Variants in CRB2 observed in about 807,000 individuals in gnomAD.
The protein encoded by CRB2 is crumbs cell polarity complex component 2.
A neutral mutation model predicts 110.9 loss-of-function variants in CRB2; 85 were observed. The ratio of observed to expected loss-of-function variants is 0.77; its 90% CI spans 0.64 to 0.92. The LOEUF (loss-of-function observed/expected upper bound fraction) is 0.92. CRB2 is among the 40% of genes least tolerant of loss of function. CRB2 has a pLI of 0.00. For missense variants in CRB2, 1,843 were observed against 1,851.3 expected (o/e 1.00, Z 0.08); for synonymous variants, 907 against 831.0 (o/e 1.09, Z -1.57).
At chr9:123,372,117 GTT>G in intron 8 of CRB2, 58 bp from the exon 9 acceptor site, 1 of 1,554,542 alleles carries the variant, frequency 6.4e-7, no homozygotes, top group Non-Finnish European at 8.9e-7. Flanking sequence ...TGCAATGCCA[GTT>G]ATGGTGGGTG....
At position 123,366,386 on chromosome 9, in the gene CRB2, C is replaced by A; in HGVS notation, c.754+20C>A. 1 of 1,530,562 alleles carries A rather than the reference C, an allele frequency of 6.5e-7. No individual in the cohort carries two copies. The highest frequency in any genetic ancestry group is 8.7e-7 in the Non-Finnish European group (1 of 1,152,870). 94.8% of individuals were successfully genotyped at this position (1,530,562 alleles called of 1,614,324 possible). A position where few individuals can be genotyped will look rare whatever the true frequency, so the allele number is the denominator to read the frequency against. ...GGCCAGGTGTGTGCGTGCAGGTGCGCGGCCTGGCGGGGGGAGGGGTAGGTG... is the reference window on the plus strand; with the variant it reads ...GGCCAGGTGTGTGCGTGCAGGTGCGAGGCCTGGCGGGGGGAGGGGTAGGTG... On this transcript the variant is annotated intron_variant, in intron 4 of 12. Coordinates refer to ENST00000373631, the MANE Select transcript of CRB2 (RefSeq NM_173689.7).
intron 4 of CRB2, 84 bp from the exon 5 acceptor site, chr9:123,367,088 C>T (rs1216190900): frequency 1.3e-5 from 18 of 1,401,648 alleles, no homozygotes; most frequent in African/African-American, 1.2e-4. Flanking sequence ...CGGTCCCTTG[C>T]TGGCCCTCGC....
At chr9:123,362,617 G>C (rs542221261) in intron 1 of CRB2, among the ~76,000 whole-genome samples, 1 of 152,248 alleles carries the variant, frequency 6.6e-6, no homozygotes, top group Admixed American at 6.5e-5. Flanking sequence ...CACTAATCCT[G>C]CCCAGAAGCC....
intron 11 of CRB2, 68 bp downstream of exon 11, chr9:123,374,763 G>A: frequency 8.5e-7 from 1 of 1,170,512 alleles, no homozygotes; most frequent in Non-Finnish European, 1.2e-6. Context: ...TCCAGCCAGG[G>A]TGGGGCGGGG....
chr9:123,358,257 C>G (rs1461981786), intron 1 of CRB2, among the ~76,000 whole-genome samples: 3 of 152,240 alleles, frequency 2.0e-5, no homozygotes, highest in Non-Finnish European at 4.4e-5. Flanking sequence ...AGCTGGGCCT[C>G]TCCATCCTGG....
downstream of CRB2, chr9:123,380,201 C>T (rs1048371787): frequency 6.6e-6 from 1 of 152,496 alleles, no homozygotes; most frequent in East Asian, 1.9e-4. Context: ...CTGCGTGTCT[C>T]AGATGGTTGT....
intron 1 of CRB2, among the ~76,000 whole-genome samples, chr9:123,359,446 T>G (rs1449991785): frequency 1.3e-4 from 16 of 122,454 alleles, no homozygotes; most frequent in Non-Finnish European, 2.0e-4. Flanking sequence ...GTTTTGTTTT[T>G]TTTTTTTTTT....
rs373916052 is a variant in CRB2 at position 123,367,156 on chromosome 9, G to A, written c.755-16G>A. On this transcript the variant is annotated splice_polypyrimidine_tract_variant and intron_variant, in intron 4 of 12. Coordinates refer to ENST00000373631, the MANE Select transcript of CRB2 (RefSeq NM_173689.7). Reference sequence around the variant, plus strand: ...CAACCCCGTGAGACCTGATGTCCGCGTGTGTGTGCCCCCAGGCTACAGCGG... The same window carrying A: ...CAACCCCGTGAGACCTGATGTCCGCATGTGTGTGCCCCCAGGCTACAGCGG... 512 of 1,568,262 alleles carry A rather than the reference G, an allele frequency of 3.3e-4. No individual in the cohort carries two copies. Among genetic ancestry groups the A allele is most frequent in the Non-Finnish European group, 4.2e-4 (484 of 1,164,198 alleles).
intron 1 of CRB2, among the ~76,000 whole-genome samples, chr9:123,357,521 C>A (rs1178627804): frequency 6.6e-6 from 1 of 152,132 alleles, no homozygotes; most frequent in Non-Finnish European, 1.5e-5. Context: ...AGGATGAGGA[C>A]CCCATTTTGC....
rs79733777 is a variant in CRB2, at chr9:123,360,946, C to T, written c.95-1919C>T. 2.6e-5 allele frequency among the ~76,000 whole-genome samples: 4 copies of T among 152,290 alleles called. No individual in the cohort carries two copies. In the East Asian group the frequency reaches 7.7e-4, roughly 29 times the overall value. ...CTGGCTCTGACTGGAGAAATTCCTTCCTCCCATGGGGTTGGACTCTGTCTC... is the reference window on the plus strand; with the variant it reads ...CTGGCTCTGACTGGAGAAATTCCTTTCTCCCATGGGGTTGGACTCTGTCTC... On this transcript the variant is annotated intron_variant, in intron 1 of 12. Coordinates refer to ENST00000373631, the MANE Select transcript of CRB2 (RefSeq NM_173689.7).
At position 123,374,551 on chromosome 9, in the gene CRB2, C is replaced by A. The variant is rs746014504; in HGVS notation, c.3390-28C>A. ...GAGGGCAGGTCCCAGGTGTCCTGCA[C>A]CCACTCCAGCCTCTGCTCTCTCCCC... On this transcript the variant is annotated intron_variant, in intron 10 of 12. Coordinates refer to ENST00000373631, the MANE Select transcript of CRB2 (RefSeq NM_173689.7). 90 of 1,558,024 alleles carry A rather than the reference C, an allele frequency of 5.8e-5. 3 individuals carry two copies. In the South Asian group the frequency reaches 9.4e-4, roughly 16 times the overall value.
At chr9:123,360,798 A>G (rs2041858277) in intron 1 of CRB2, among the ~76,000 whole-genome samples, 2 of 152,116 alleles carry the variant, frequency 1.3e-5, no homozygotes, top group South Asian at 4.1e-4. Context: ...TCATAATCCT[A>G]TCCACCTCGG....
At chr9:123,361,132 C>CGGGGGGGG (rs201939429) in intron 1 of CRB2, among the ~76,000 whole-genome samples, 2 of 66,010 alleles carry the variant, frequency 3.0e-5, no homozygotes, top group African/African-American at 8.8e-5. Flanking sequence ...ATTGGATGGG[C>CGGGGGGGG]GGGGAGGGGG....
chr9:123,371,209 C>T lies in CRB2; in HGVS notation c.2067C>T (p.Ala689=). Residue 689 remains alanine (A), a synonymous_variant, in exon 8 of 13, where the codon GCC becomes GCT. Transcript: ENST00000373631. ...CCGCTGGCCTGTTGCTCCAGTTTGC[C>T]AATGACTCCGCAGCTGGCCTAACAG... The part of the protein sequence containing the change: ...RESAGLLLQF[A]NDSAAGLTVF... The T allele has an allele frequency of 6.2e-7, 1 of 1,613,946 alleles. No homozygotes were observed. The highest frequency in any genetic ancestry group is 1.1e-5 in the South Asian group (1 of 91,076).
At chr9:123,371,681 C>T in intron 8 of CRB2, 103 bp downstream of exon 8, 1 of 1,518,376 alleles carries the variant, frequency 6.6e-7, no homozygotes, top group Admixed American at 1.8e-5. Context: ...GATGAGGAAA[C>T]TGAGGCTCAG....
intron 1 of CRB2, among the ~76,000 whole-genome samples, chr9:123,362,504 C>A (rs1260077254): frequency 1.3e-5 from 2 of 152,200 alleles, no homozygotes; most frequent in African/African-American, 4.8e-5. Flanking sequence ...CCTGGGCCTC[C>A]TTTTGCTGTC....
chr9:123,354,106 C>T (rs1010902654), upstream of CRB2, among the ~76,000 whole-genome samples: 8 of 152,226 alleles, frequency 5.3e-5, no homozygotes, highest in African/African-American at 1.9e-4. Context: ...CTTGTCTGAC[C>T]TCCGTCCTGC....
chr9:123,373,446 G>C lies in CRB2; in HGVS notation c.2915G>C (p.Arg972Pro), dbSNP rs749257715. 2 of 1,451,290 alleles carry C rather than the reference G, an allele frequency of 1.4e-6. No individual in the cohort carries two copies. Among genetic ancestry groups the C allele is most frequent in the Non-Finnish European group, 9.0e-7 (1 of 1,108,612 alleles). The allele number at this position is 1,451,290 out of a possible 1,614,324, so 89.9% of individuals were successfully genotyped here. ...AMERPAATTS[R>P]WLLWLDGAAT... Reference sequence around the variant, plus strand: ...GAGCGCCCGGCGGCCACCACCTCGCGCTGGCTGCTGTGGCTGGATGGTGCC... The same window carrying C: ...GAGCGCCCGGCGGCCACCACCTCGCCCTGGCTGCTGTGGCTGGATGGTGCC... Residue 972 changes from arginine to proline, a missense_variant, in exon 10 of 13, where the codon CGC becomes CCC. Physicochemically the swap from Arg to Pro is moderately radical, Grantham distance 103. Coordinates refer to ENST00000373631, the MANE Select transcript of CRB2 (RefSeq NM_173689.7).
Position 123,375,322 on chromosome 9 carries a change from C to A in CRB2, c.3612C>A (p.Ser1204=). The change falls in exon 12 of 13, where the codon TCC becomes TCA. Residue 1204 remains serine (S), a synonymous_variant. Coordinates refer to ENST00000373631, the MANE Select transcript of CRB2 (RefSeq NM_173689.7). ...AATGTATCTGCAATGCCAGATTCTC[C>A]GGCCAGTTCTGTGAAGTGGCGGTGA... ...VSECICNARF[S]GQFCEVAKGL... The A allele has an allele frequency of 6.2e-7, 1 of 1,603,148 alleles. No homozygotes were observed. The highest frequency in any genetic ancestry group is 1.7e-5 in the Admixed American group (1 of 59,162).
Sources: gnomAD v4.1 joint callset for allele counts (sites outside exome capture counted in the v4.1 genomes callset) on GRCh38, gnomAD v4.1.1 for gene constraint, MANE v1.5 for transcripts, NCBI Gene and HGNC (gene_info 2026-07-23, HGNC 2026-07-21) for gene names.